The following BTBD8 variants were observed in gnomAD, a reference collection of about 807,000 sequenced individuals.
The protein encoded by BTBD8 is BTB domain containing 8.
Under a neutral mutation model 162.9 loss-of-function variants are expected in BTBD8, and 110 were observed. That is an observed-to-expected ratio of 0.68 (90% confidence interval 0.58 to 0.79). The LOEUF (loss-of-function observed/expected upper bound fraction) is 0.79. Ranked by LOEUF, BTBD8 falls within the 30% of genes least tolerant of loss-of-function variation. The pLI is 0.00. For missense variants in BTBD8, 1,905 were observed against 2,085.4 expected, an observed-to-expected ratio of 0.91 and a Z score of 1.68; for synonymous variants, 667 against 716.1, an observed-to-expected ratio of 0.93 and a Z score of 1.10.
intron 1 of BTBD8, among the ~76,000 whole-genome samples, chr1:92,088,073 C>T (rs1197317525): frequency 2.0e-5 from 3 of 152,206 alleles, no homozygotes; most frequent in Non-Finnish European, 4.4e-5. Context: ...GATCACGAAT[C>T]CATCATTTTA....
Position 92,080,800 on chromosome 1 carries a change from C to G in BTBD8, c.149+80C>G. On this transcript the variant is annotated intron_variant, in intron 1 of 17. Coordinates refer to ENST00000636805, the MANE Select transcript of BTBD8 (RefSeq NM_001376131.1). ...CCCGAAGCTGAGGCTTCTTTCGGCTCTGCCTCCCCCTCCCTCAGCACTTGG... is the reference window on the plus strand; with the variant it reads ...CCCGAAGCTGAGGCTTCTTTCGGCTGTGCCTCCCCCTCCCTCAGCACTTGG... The G allele has an allele frequency of 5.9e-6, 9 of 1,529,870 alleles. 1 individual carries two copies. The South Asian group carries it at 1.1e-4, about 19-fold the overall frequency. The allele number at this position is 1,529,870 out of a possible 1,614,324, so 94.8% of individuals were successfully genotyped here.
intron 3 of BTBD8, among the ~76,000 whole-genome samples, chr1:92,105,353 A>G (rs1406326338): frequency 1.3e-5 from 2 of 152,018 alleles, no homozygotes; most frequent in African/African-American, 4.8e-5. Flanking sequence ...CCCAGGCCCA[A>G]GTGATCCTCC....
chr1:92,145,281 A>C (rs1649884869), intron 7 of BTBD8, among the ~76,000 whole-genome samples: 1 of 152,094 alleles, frequency 6.6e-6, no homozygotes, highest in Non-Finnish European at 1.5e-5. Flanking sequence ...CAATTTTTTT[A>C]ATACTAATAT....
At chr1:92,178,283 T>C (rs1650779679) in intron 15 of BTBD8, 29 bp from the exon 16 acceptor site, 1 of 1,532,844 alleles carries the variant, frequency 6.5e-7, no homozygotes, top group African/African-American at 1.4e-5. Flanking sequence ...AATCTAAGTG[T>C]AATACTGAAT....
At chr1:92,154,765 G>T (rs1650121364) in intron 9 of BTBD8, among the ~76,000 whole-genome samples, 1 of 152,006 alleles carries the variant, frequency 6.6e-6, no homozygotes, top group African/African-American at 2.4e-5. Flanking sequence ...CTGTATGGAG[G>T]CTTTTTAATT....
intron 1 of BTBD8, among the ~76,000 whole-genome samples, chr1:92,086,278 T>C (rs956013161): frequency 6.6e-6 from 1 of 152,204 alleles, no homozygotes; most frequent in African/African-American, 2.4e-5. Flanking sequence ...CTTCCACCCT[T>C]TGGCACAGAG....
rs536593829 is a variant in BTBD8 at position 92,175,348 on chromosome 1, G to A, written c.1636-1481G>A. ...ACAAAAATTAGCTGGGCATGGTGGC[G>A]CATGCCTGTAGTCCCAGCTACTCGG... is the stretch of plus-strand genomic sequence containing the variant. On this transcript the variant is annotated intron_variant, in intron 13 of 17. Transcript: ENST00000636805. 4.0e-5 allele frequency among the ~76,000 whole-genome samples: 6 copies of A among 151,792 alleles called. 1 individual carries two copies. Among genetic ancestry groups the A allele is most frequent in the Admixed American group, 3.3e-4 (5 of 15,246 alleles).
intron 4 of BTBD8, among the ~76,000 whole-genome samples, chr1:92,115,955 G>A (rs1649032701): frequency 6.6e-6 from 1 of 152,018 alleles, no homozygotes; most frequent in Non-Finnish European, 1.5e-5. Context: ...TCATTAATAT[G>A]AAACGTTTTT....
At chr1:92,105,672 GA>G (rs1176940421) in intron 3 of BTBD8, among the ~76,000 whole-genome samples, 2 of 152,210 alleles carry the variant, frequency 1.3e-5, no homozygotes, top group African/African-American at 4.8e-5. Context: ...GCAAGGTTAC[GA>G]TAAACAGTTG....
At chr1:92,146,291 A>G (rs1649917560) in intron 7 of BTBD8, among the ~76,000 whole-genome samples, 2 of 152,228 alleles carry the variant, frequency 1.3e-5, no homozygotes, top group South Asian at 4.1e-4. Flanking sequence ...CAGACTTTAA[A>G]AAAAAACAAA....
At chr1:92,104,089 C>A (rs1648664945) in intron 3 of BTBD8, among the ~76,000 whole-genome samples, 1 of 152,212 alleles carries the variant, frequency 6.6e-6, no homozygotes, top group Admixed American at 6.5e-5. Context: ...TGTTTCTCAT[C>A]TGAATTTTGC....
At chr1:92,113,739 G>A (rs1326976361) in intron 4 of BTBD8, among the ~76,000 whole-genome samples, 1 of 150,908 alleles carries the variant, frequency 6.6e-6, no homozygotes, top group African/African-American at 2.5e-5. Context: ...TAGGCCCGGT[G>A]CGGTGGCTCA....
rs544023860 is a variant in BTBD8, at chr1:92,121,452, A to AT, written c.663-8227dup. 2.9e-3 allele frequency among the ~76,000 whole-genome samples: 440 copies of AT among 152,182 alleles called. 1 individual carries two copies. The highest frequency in any genetic ancestry group is 9.3e-3 in the African/African-American group (387 of 41,546). ...TTATGCTTTAGTTTGAGTAAGATTG[A>AT]TTTTTTTTAAAACTTATGTCGTCCT... On this transcript the variant is annotated intron_variant, in intron 4 of 17. Transcript: ENST00000636805.
chr1:92,127,293 C>T (rs1649386051), intron 4 of BTBD8, among the ~76,000 whole-genome samples: 1 of 151,918 alleles, frequency 6.6e-6, no homozygotes, highest in African/African-American at 2.4e-5. Context: ...AATTGAGGAT[C>T]AGAATTCGAG....
chr1:92,107,506 C>T (rs377069190), intron 3 of BTBD8, among the ~76,000 whole-genome samples: 1 of 152,114 alleles, frequency 6.6e-6, no homozygotes, highest in African/African-American at 2.4e-5. Context: ...GGTTTATAGC[C>T]TAGGAACAAT....
chr1:92,138,866 C>G (rs1217340966), intron 5 of BTBD8, among the ~76,000 whole-genome samples: 1 of 152,072 alleles, frequency 6.6e-6, no homozygotes. Flanking sequence ...TAAGTCATGC[C>G]TTTTCTTTTT....
chr1:92,154,729 A>AT (rs991682829), intron 9 of BTBD8, among the ~76,000 whole-genome samples: 1 of 151,932 alleles, frequency 6.6e-6, no homozygotes, highest in African/African-American at 2.4e-5. Flanking sequence ...CATTCTGTAG[A>AT]TTTTTTCAAT....
intron 7 of BTBD8, among the ~76,000 whole-genome samples, chr1:92,146,591 C>G (rs1319107442): frequency 1.3e-5 from 2 of 152,130 alleles, no homozygotes; most frequent in African/African-American, 4.8e-5. Flanking sequence ...CCATAAAATC[C>G]TCTATGCTCT....
At position 92,182,184 on chromosome 1, in the gene BTBD8, CAAAAT is replaced by C; in HGVS notation, c.4505_4509del (p.Asn1502ArgfsTer3). 6.5e-7 allele frequency: 1 copy of C among 1,550,376 alleles called. No individual in the cohort carries two copies. The highest frequency in any genetic ancestry group is 8.7e-7 in the Non-Finnish European group (1 of 1,146,526). On this transcript the variant is annotated frameshift_variant, in exon 17 of 18. Coordinates refer to ENST00000636805, the MANE Select transcript of BTBD8 (RefSeq NM_001376131.1). LOFTEE classifies it high-confidence loss of function. ...TGAAGATAATATTTTAGAATGTAAA[CAAAAT>C]AAAGGCAATAGTGTATGTAAAAATG...
Sources: allele counts gnomAD v4.1 joint callset (sites outside exome capture counted in the v4.1 genomes callset), GRCh38; gene constraint gnomAD v4.1.1; transcripts MANE v1.5; gene names NCBI Gene and HGNC (gene_info 2026-07-23, HGNC 2026-07-21).